The following KCNT2 variants were observed in gnomAD, a reference collection of about 807,000 sequenced individuals.
KCNT2 encodes the protein potassium sodium-activated channel subfamily T member 2.
In KCNT2, 67 loss-of-function variants were observed where a neutral mutation model predicts 153.8. The observed-to-expected ratio is 0.44, with a 90% confidence interval of 0.36 to 0.53. The LOEUF (loss-of-function observed/expected upper bound fraction) is 0.53. Among genes scored for constraint, KCNT2 ranks in the 20% least tolerant of loss-of-function variants. KCNT2 has a pLI of 0.00. For synonymous variants in KCNT2, 500 were observed against 458.8 expected (o/e 1.09, Z -1.15); for missense variants, 975 against 1,354.8 (o/e 0.72, Z 4.40).
chr1:196,384,707 CAAAAA>C (rs60975976), intron 13 of KCNT2, among the ~76,000 whole-genome samples: 2 of 75,498 alleles, frequency 2.6e-5, no homozygotes, highest in Admixed American at 1.5e-4. Context: ...ACCCCATCTC[CAAAAA>C]AAAAAAAAAA....
intron 1 of KCNT2, among the ~76,000 whole-genome samples, chr1:196,551,519 G>A (rs1454439225): frequency 6.6e-6 from 1 of 151,608 alleles, no homozygotes; most frequent in Non-Finnish European, 1.5e-5. Context: ...AGAGACACAT[G>A]AGTAGGGTGA....
At chr1:196,420,013 T>C (rs546539125) in intron 12 of KCNT2, among the ~76,000 whole-genome samples, 17 of 152,064 alleles carry the variant, frequency 1.1e-4, no homozygotes, top group Non-Finnish European at 2.4e-4. Context: ...ATTCCTACTA[T>C]ATTGATATTG....
At chr1:196,511,052 C>T (rs1681571871) in intron 1 of KCNT2, among the ~76,000 whole-genome samples, 1 of 151,738 alleles carries the variant, frequency 6.6e-6, no homozygotes, top group Admixed American at 6.6e-5. Context: ...AAACTCTTCC[C>T]CCCACCCTAA....
In KCNT2 at chr1:196,232,659, A is replaced by G. The variant is rs189149728; in HGVS notation, c.3296+3327T>C. On this transcript the variant is annotated intron_variant, in intron 27 of 27. Transcript: ENST00000294725. ...AACTAATAAAAAATAAGAGTATCTA[A>G]AAGACAGAAAATTCTCTAAAAATAT... Among the ~76,000 whole-genome samples, 29 of 151,700 alleles carry G rather than the reference A, an allele frequency of 1.9e-4. 2 individuals carry two copies. The East Asian group carries it at 5.2e-3, about 27-fold the overall frequency.
intron 8 of KCNT2, among the ~76,000 whole-genome samples, chr1:196,462,397 G>A (rs943973682): frequency 6.6e-6 from 1 of 151,658 alleles, no homozygotes; most frequent in Non-Finnish European, 1.5e-5. Flanking sequence ...TCAAGTATTA[G>A]AAATAGGTAT....
chr1:196,556,736 C>T (rs1171143258), intron 1 of KCNT2, among the ~76,000 whole-genome samples: 3 of 151,302 alleles, frequency 2.0e-5, no homozygotes, highest in Admixed American at 1.3e-4. Flanking sequence ...CATAAGTGTC[C>T]GTCGACAGGT....
intron 8 of KCNT2, among the ~76,000 whole-genome samples, chr1:196,441,952 TG>T (rs1252545544): frequency 1.3e-5 from 2 of 151,578 alleles, no homozygotes; most frequent in East Asian, 3.9e-4. Flanking sequence ...GACAAAACAA[TG>T]GAATAAGAAG....
At chr1:196,306,365 G>C (rs538513694) in intron 21 of KCNT2, among the ~76,000 whole-genome samples, 1 of 152,040 alleles carries the variant, frequency 6.6e-6, no homozygotes, top group Non-Finnish European at 1.5e-5. Context: ...CTCAATTTAT[G>C]AATTTATGAA....
At chr1:196,266,417 A>G (rs1006832157) in intron 25 of KCNT2, among the ~76,000 whole-genome samples, 2 of 152,206 alleles carry the variant, frequency 1.3e-5, no homozygotes, top group African/African-American at 4.8e-5. Flanking sequence ...TATCTTAACC[A>G]TCAGAATTAC....
chr1:196,326,691 G>C, intron 19 of KCNT2, 26 bp downstream of exon 19: 1 of 1,369,030 alleles, frequency 7.3e-7, no homozygotes, highest in Non-Finnish European at 9.8e-7. Context: ...AGTTTATCTT[G>C]TTTGTGTATC....
intron 8 of KCNT2, among the ~76,000 whole-genome samples, chr1:196,450,756 C>T (rs1340177815): frequency 6.6e-6 from 1 of 151,836 alleles, no homozygotes; most frequent in Non-Finnish European, 1.5e-5. Flanking sequence ...CTCTTGTCTC[C>T]CCACAGCCTG....
Position 196,428,183 on chromosome 1 carries a change from G to GAC in KCNT2, c.904_905dup (p.Val303SerfsTer8), listed in dbSNP as rs1558278140. 6.2e-7 allele frequency: 1 copy of GAC among 1,611,780 alleles called. No individual in the cohort carries two copies. Among genetic ancestry groups the GAC allele is most frequent in the Non-Finnish European group, 8.5e-7 (1 of 1,178,262 alleles). On this transcript the variant is annotated frameshift_variant, in exon 10 of 28. Transcript: ENST00000294725. LOFTEE classifies it high-confidence loss of function. ...TCTTCAGTGAGCTGACACACAGGAC[G>GAC]ACATGCTTTTCAGTTTGAGCTCTAT... is the stretch of plus-strand genomic sequence containing the variant.
chr1:196,235,925 C>A lies in KCNT2; in HGVS notation c.3296+61G>T, dbSNP rs928114065. On this transcript the variant is annotated intron_variant, in intron 27 of 27. Transcript: ENST00000294725. Reference sequence around the variant, plus strand: ...GGCTATTATGGCCTAAATATAAGTACAAAAATAAATAGTAGTTTTCTAAAA... The same window carrying A: ...GGCTATTATGGCCTAAATATAAGTAAAAAAATAAATAGTAGTTTTCTAAAA... 9 of 1,048,430 alleles carry A rather than the reference C, an allele frequency of 8.6e-6. No individual in the cohort carries two copies. In the African/African-American group the frequency reaches 9.6e-5, roughly 11 times the overall value. The allele number at this position is 1,048,430 out of a possible 1,614,324, so 64.9% of individuals were successfully genotyped here.
At chr1:196,240,241 A>G (rs1486393429) in intron 26 of KCNT2, among the ~76,000 whole-genome samples, 3 of 152,014 alleles carry the variant, frequency 2.0e-5, no homozygotes, top group African/African-American at 4.8e-5. Flanking sequence ...GGATCTGCCA[A>G]TTGCTTACTC....
chr1:196,386,039 C>T (rs1284341126), intron 13 of KCNT2, among the ~76,000 whole-genome samples: 2 of 152,106 alleles, frequency 1.3e-5, no homozygotes, highest in Admixed American at 6.6e-5. Flanking sequence ...GGATCATCTG[C>T]CCTGGGAAAA....
chr1:196,568,606 A>AG (rs1016644178), intron 1 of KCNT2, among the ~76,000 whole-genome samples: 4 of 151,266 alleles, frequency 2.6e-5, no homozygotes, highest in Admixed American at 6.6e-5. Context: ...AAAAAAAAAA[A>AG]AAAAGAAAAG....
intron 14 of KCNT2, 48 bp downstream of exon 14, chr1:196,373,091 TG>T: frequency 1.1e-6 from 1 of 882,306 alleles, no homozygotes; most frequent in Non-Finnish European, 1.9e-6. Flanking sequence ...CTGCCCTTAT[TG>T]TTTTTTATAT....
intron 25 of KCNT2, among the ~76,000 whole-genome samples, chr1:196,275,202 G>A (rs1658439893): frequency 1.3e-5 from 2 of 151,800 alleles, no homozygotes; most frequent in East Asian, 3.9e-4. Context: ...AGAGTAATAT[G>A]TGTCCCTGTC....
chr1:196,563,020 T>G (rs890885156), intron 1 of KCNT2, among the ~76,000 whole-genome samples: 1 of 151,950 alleles, frequency 6.6e-6, no homozygotes, highest in South Asian at 2.1e-4. Flanking sequence ...ATTTGAGGTT[T>G]CTAACATCCA....
Sources: allele counts gnomAD v4.1 joint callset (sites outside exome capture counted in the v4.1 genomes callset), GRCh38; gene constraint gnomAD v4.1.1; transcripts MANE v1.5; gene names NCBI Gene and HGNC (gene_info 2026-07-23, HGNC 2026-07-21).